DNM1L: variants seen among roughly 807,000 people sequenced by gnomAD.
The protein encoded by DNM1L is dynamin 1L.
In DNM1L, 33 loss-of-function variants were observed where a neutral mutation model predicts 92.8. The observed-to-expected ratio is 0.36, with a 90% confidence interval of 0.27 to 0.48. The LOEUF (loss-of-function observed/expected upper bound fraction) is 0.48. Ranked by LOEUF, DNM1L falls within the 20% of genes least tolerant of loss-of-function variation. DNM1L has a pLI of 0.99. For missense variants in DNM1L, 485 were observed against 888.8 expected (o/e 0.55, Z 5.78); for synonymous variants, 284 against 305.0 (o/e 0.93, Z 0.72).
chr12:32,724,290 C>A (rs1327789424), intron 9 of DNM1L, among the ~76,000 whole-genome samples: 3 of 151,902 alleles, frequency 2.0e-5, no homozygotes, highest in Non-Finnish European at 2.9e-5. Context: ...AAATAGGAGC[C>A]ACATTGGCCA....
chr12:32,739,936 C>T, intron 16 of DNM1L, 128 bp from the exon 17 acceptor site: 1 of 1,195,822 alleles, frequency 8.4e-7, no homozygotes, highest in East Asian at 2.5e-5. Context: ...CTTCTGACCT[C>T]ATTATCTGTC....
chr12:32,726,221 C>G (rs1954131468), intron 9 of DNM1L, among the ~76,000 whole-genome samples: 1 of 152,108 alleles, frequency 6.6e-6, no homozygotes, highest in Admixed American at 6.6e-5. Context: ...AGTGAAAATG[C>G]TAGGTAGAAC....
At chr12:32,708,253 T>C in intron 4 of DNM1L, 29 bp downstream of exon 4, 1 of 1,324,072 alleles carries the variant, frequency 7.6e-7, no homozygotes, top group Middle Eastern at 1.8e-4. Context: ...CTAGAAGGCA[T>C]AAGCATCAGT....
intron 6 of DNM1L, among the ~76,000 whole-genome samples, 176 bp from the exon 7 acceptor site, chr12:32,718,467 A>G (rs539025493): frequency 5.9e-5 from 9 of 152,164 alleles, no homozygotes; most frequent in South Asian, 2.1e-4. Context: ...ATTATACACA[A>G]TGTTTAACAT....
At chr12:32,716,538 C>T (rs1014130605) in intron 6 of DNM1L, among the ~76,000 whole-genome samples, 1 of 151,890 alleles carries the variant, frequency 6.6e-6, no homozygotes, top group African/African-American at 2.4e-5. Context: ...AGACTGGTCT[C>T]GAACTCCTGG....
At position 32,743,817 on chromosome 12, in the gene DNM1L, T is replaced by G. The variant is rs1955479619; in HGVS notation, c.*407T>G. On this transcript the variant is annotated 3_prime_UTR_variant, in exon 20 of 20. Transcript: ENST00000549701. The stretch of plus-strand genomic sequence containing the variant: ...GCACCAAGACAACATTTCATATGAC[T>G]ATAATGCATGTACTATATAAGCTGA... 4.4e-6 allele frequency: 1 copy of G among 224,856 alleles called. No homozygotes were observed. Among genetic ancestry groups the G allele is most frequent in the South Asian group, 7.3e-5 (1 of 13,776 alleles). 13.9% of individuals were successfully genotyped at this position (224,856 alleles called of 1,614,324 possible). A position where few individuals can be genotyped will look rare whatever the true frequency, so the allele number is the denominator to read the frequency against.
At position 32,708,178 on chromosome 12, in the gene DNM1L, G is replaced by T. The variant is rs1352593144; in HGVS notation, c.323G>T (p.Arg108Leu). The T allele has an allele frequency of 6.2e-7, 1 of 1,604,614 alleles. No individual in the cohort carries two copies. The highest frequency in any genetic ancestry group is 1.1e-5 in the South Asian group (1 of 90,448). The change falls in exon 4 of 20, where the codon CGA (arginine) becomes CTA (leucine). Residue 108 changes from arginine to leucine, a missense_variant. Physicochemically the swap from Arg to Leu is moderately radical, Grantham distance 102. Around this residue, in one of 11 missense-constraint regions of DNM1L, gnomAD observed 159 missense variants for 275.9 expected, o/e 0.58. Transcript: ENST00000549701. ...NKLYTDFDEI[R>L]QEIENETERI... ...CTTTACACGGATTTTGATGAAATTC[G>T]ACAAGAAATTGAAAATGAAACAGAA...
chr12:32,717,235 ATATTT>A (rs1206104185), intron 6 of DNM1L, among the ~76,000 whole-genome samples: 2 of 107,594 alleles, frequency 1.9e-5, no homozygotes, highest in African/African-American at 7.7e-5. Flanking sequence ...TATATTATAT[ATATTT>A]TATATATAGT....
intron 15 of DNM1L, 36 bp downstream of exon 15, chr12:32,737,978 T>C (rs4506737): frequency 6.3e-7 from 1 of 1,592,862 alleles, no homozygotes; most frequent in Admixed American, 1.7e-5. Flanking sequence ...CTGCATGCCT[T>C]GTTCTCTGGT....
rs1955459582 is a variant in DNM1L at position 32,743,474 on chromosome 12, A to G, written c.*64A>G. ...CTTGCTAGTTACTGCCTACCTGAGTAGAATCTTATTTATGAACTCCTGTGT... is the reference window on the plus strand; with the variant it reads ...CTTGCTAGTTACTGCCTACCTGAGTGGAATCTTATTTATGAACTCCTGTGT... On this transcript the variant is annotated 3_prime_UTR_variant, in exon 20 of 20. Transcript: ENST00000549701. 6.7e-7 allele frequency: 1 copy of G among 1,489,624 alleles called. No homozygotes were observed. Among genetic ancestry groups the G allele is most frequent in the South Asian group, 1.1e-5 (1 of 87,938 alleles). 92.3% of individuals were successfully genotyped at this position (1,489,624 alleles called of 1,614,324 possible). A position where few individuals can be genotyped will look rare whatever the true frequency, so the allele number is the denominator to read the frequency against.
chr12:32,738,140 A>G, intron 15 of DNM1L, 124 bp from the exon 16 acceptor site: 5 of 1,206,274 alleles, frequency 4.1e-6, no homozygotes, highest in South Asian at 1.3e-5. Flanking sequence ...TTTGCTTGCA[A>G]TATAGAAGAT....
At chr12:32,714,858 G>A (rs1221353869) in intron 6 of DNM1L, among the ~76,000 whole-genome samples, 3 of 151,354 alleles carry the variant, frequency 2.0e-5, no homozygotes, top group Non-Finnish European at 2.9e-5. Context: ...CAATTAGCTG[G>A]GTATGGTGGC....
At chr12:32,704,353 C>T (rs971912989) in intron 2 of DNM1L, among the ~76,000 whole-genome samples, 2 of 152,010 alleles carry the variant, frequency 1.3e-5, no homozygotes, top group African/African-American at 4.8e-5. Flanking sequence ...AGTTCGAGAC[C>T]AGCCTGGCCA....
At chr12:32,700,514 A>C (rs1236154951) in intron 1 of DNM1L, among the ~76,000 whole-genome samples, 1 of 151,550 alleles carries the variant, frequency 6.6e-6, no homozygotes, top group Non-Finnish European at 1.5e-5. Context: ...TGGGAGACTG[A>C]GGTGGGAGGA....
chr12:32,708,130 T>C (rs952210477), intron 3 of DNM1L, 23 bp from the exon 4 acceptor site: 3 of 1,475,092 alleles, frequency 2.0e-6, no homozygotes, highest in South Asian at 1.1e-5. Context: ...AATATTATGC[T>C]TTTTTATTTC....
intron 1 of DNM1L, among the ~76,000 whole-genome samples, chr12:32,696,948 A>G (rs1180471343): frequency 6.6e-6 from 1 of 150,544 alleles, no homozygotes; most frequent in East Asian, 2.0e-4. Flanking sequence ...CTTATCTTAA[A>G]TATGGAATTT....
At chr12:32,720,341 T>C (rs1254094186) in intron 7 of DNM1L, among the ~76,000 whole-genome samples, 1 of 152,208 alleles carries the variant, frequency 6.6e-6, no homozygotes, top group Non-Finnish European at 1.5e-5. Context: ...TTTATACCTG[T>C]CTATACCTGT....
At chr12:32,682,128 A>G (rs560728960) in intron 1 of DNM1L, among the ~76,000 whole-genome samples, 18 of 151,974 alleles carry the variant, frequency 1.2e-4, no homozygotes, top group Non-Finnish European at 2.5e-4. Context: ...TGTATTAAGA[A>G]TCACTTTGGT....
rs1200494429 is a variant in DNM1L, at chr12:32,737,947, G to C, written c.1674+5G>C. Reference sequence around the variant, plus strand: ...TCTGCTGAGGCTGATGGCAAGGTCTGTTCTGATTCTTAATCTAAGCCTGCA... The same window carrying C: ...TCTGCTGAGGCTGATGGCAAGGTCTCTTCTGATTCTTAATCTAAGCCTGCA... On this transcript the variant is annotated splice_donor_5th_base_variant and intron_variant, in intron 15 of 19. Transcript: ENST00000549701. 2 of 1,613,482 alleles carry C rather than the reference G, an allele frequency of 1.2e-6. No homozygotes were observed. The highest frequency in any genetic ancestry group is 8.5e-7 in the Non-Finnish European group (1 of 1,179,910).
Sources: gnomAD v4.1 joint callset for allele counts (sites outside exome capture counted in the v4.1 genomes callset) on GRCh38, gnomAD v4.1.1 for gene constraint, gnomAD v4.1.1 regional missense constraint, MANE v1.5 for transcripts, NCBI Gene and HGNC (gene_info 2026-07-23, HGNC 2026-07-21) for gene names.